Variants in PRORP observed in about 807,000 individuals in gnomAD.
PRORP encodes mitochondrial ribonuclease P catalytic subunit.
Under a neutral mutation model 59.4 loss-of-function variants are expected in PRORP, and 51 were observed. The ratio of observed to expected loss-of-function variants is 0.86; its 90% CI spans 0.69 to 1.08. The LOEUF is 1.08. PRORP is among the 50% of genes least tolerant of loss of function. PRORP has a pLI of 0.00. For synonymous variants in PRORP, 231 were observed against 245.6 expected, an observed-to-expected ratio of 0.94 and a Z score of 0.55; for missense variants, 646 against 690.3, an observed-to-expected ratio of 0.94 and a Z score of 0.72.
At chr14:35,266,208 T>C (rs1017973652) in intron 5 of PRORP, among the ~76,000 whole-genome samples, 23 of 151,892 alleles carry the variant, frequency 1.5e-4, no homozygotes, top group Admixed American at 5.2e-4. Flanking sequence ...TCCCAGCTAC[T>C]TGGGAGGCTG....
intron 5 of PRORP, among the ~76,000 whole-genome samples, chr14:35,181,187 T>G (rs990143668): frequency 1.3e-5 from 2 of 152,224 alleles, no homozygotes; most frequent in Non-Finnish European, 2.9e-5. Flanking sequence ...ATTTGTTTTT[T>G]CCAAACATAG....
intron 5 of PRORP, among the ~76,000 whole-genome samples, chr14:35,254,398 T>C (rs895911908): frequency 2.0e-4 from 30 of 152,152 alleles, no homozygotes; most frequent in African/African-American, 7.2e-4. Flanking sequence ...TGTTTGTTTG[T>C]TTGTTTGTTT....
intron 5 of PRORP, among the ~76,000 whole-genome samples, chr14:35,188,962 AAAG>A (rs2048815544): frequency 3.6e-5 from 1 of 27,826 alleles, no homozygotes; most frequent in South Asian, 1.1e-3. Context: ...AAAAAAAAAA[AAAG>A]TATTGCCTAA....
intron 4 of PRORP, among the ~76,000 whole-genome samples, chr14:35,164,182 C>T (rs1196624771): frequency 6.6e-6 from 1 of 152,162 alleles, no homozygotes; most frequent in Non-Finnish European, 1.5e-5. Context: ...TGCTTATACA[C>T]TGTTGATGGG....
chr14:35,206,361 G>A (rs2049295103), intron 5 of PRORP, among the ~76,000 whole-genome samples: 1 of 152,122 alleles, frequency 6.6e-6, no homozygotes, highest in South Asian at 2.1e-4. Context: ...TCTTCCCATG[G>A]TGAGAATGTG....
intron 5 of PRORP, among the ~76,000 whole-genome samples, chr14:35,205,205 G>A (rs1262508768): frequency 6.6e-6 from 1 of 152,070 alleles, no homozygotes; most frequent in Admixed American, 6.6e-5. Context: ...GTTTTGAGAT[G>A]GAGTCTCGCT....
intron 5 of PRORP, among the ~76,000 whole-genome samples, chr14:35,244,650 T>C (rs1329822449): frequency 6.6e-6 from 1 of 152,140 alleles, no homozygotes; most frequent in Non-Finnish European, 1.5e-5. Flanking sequence ...GCGCATAAAA[T>C]ATATCATGTG....
chr14:35,137,491 AAGATGAGAG>A (rs1365650998), intron 4 of PRORP, among the ~76,000 whole-genome samples: 1 of 144,766 alleles, frequency 6.9e-6, no homozygotes, highest in Non-Finnish European at 1.5e-5. Context: ...AGTGGTATAC[AAGATGAGAG>A]AGATGAGAGT....
intron 4 of PRORP, among the ~76,000 whole-genome samples, chr14:35,164,336 T>A (rs1248493848): frequency 6.6e-6 from 1 of 152,286 alleles, no homozygotes; most frequent in Non-Finnish European, 1.5e-5. Context: ...ACACATCCAC[T>A]CATATGTGCA....
At chr14:35,228,697 C>T (rs1294104485) in intron 5 of PRORP, among the ~76,000 whole-genome samples, 6 of 152,198 alleles carry the variant, frequency 3.9e-5, no homozygotes, top group Non-Finnish European at 5.9e-5. Flanking sequence ...TTTCTTTATC[C>T]AGTCCACCAT....
intron 4 of PRORP, among the ~76,000 whole-genome samples, chr14:35,178,079 C>G (rs1292951141): frequency 6.6e-6 from 1 of 152,164 alleles, no homozygotes; most frequent in East Asian, 1.9e-4. Context: ...ATCCTGAGTT[C>G]TAGTTTGATT....
intron 4 of PRORP, among the ~76,000 whole-genome samples, chr14:35,156,071 T>C (rs2047906299): frequency 6.6e-6 from 1 of 152,226 alleles, no homozygotes; most frequent in African/African-American, 2.4e-5. Context: ...GTAAAAGCTA[T>C]AGCTGAAGAG....
Position 35,123,162 on chromosome 14 carries a change from C to A in PRORP, c.-84C>A. The A allele has an allele frequency of 1.4e-6, 2 of 1,391,344 alleles. No homozygotes were observed. The highest frequency in any genetic ancestry group is 1.9e-6 in the Non-Finnish European group (2 of 1,027,328). The allele number at this position is 1,391,344 out of a possible 1,614,324, so 86.2% of individuals were successfully genotyped here. ...AAGTTCCACTTCGACTCTGCACCGC[C>A]GACCCCCAATCTCTTTAATTTTGCC... is the stretch of plus-strand genomic sequence containing the variant. On this transcript the variant is annotated 5_prime_UTR_variant, in exon 2 of 8. Coordinates refer to ENST00000534898, the MANE Select transcript of PRORP (RefSeq NM_014672.4).
rs747924955 is a variant in PRORP at position 35,123,591 on chromosome 14, A to G, written c.346A>G (p.Thr116Ala). 2.5e-6 allele frequency: 4 copies of G among 1,614,210 alleles called. No individual in the cohort carries two copies. Among genetic ancestry groups the G allele is most frequent in the Admixed American group, 1.7e-5 (1 of 60,020 alleles). ...APVRNTIQLP[T>A]QPLNSEEWDK... ...TGTGAGGAACACTATTCAACTCCCA[A>G]CACAACCTTTGAATTCAGAGGAGTG... Residue 116 changes from threonine (T) to alanine (A), a missense_variant, in exon 2 of 8, where the codon ACA becomes GCA. Thr to Ala is a moderately conservative substitution (Grantham distance 58). Transcript: ENST00000534898.
At chr14:35,206,497 A>T (rs2049298600) in intron 5 of PRORP, among the ~76,000 whole-genome samples, 1 of 152,164 alleles carries the variant, frequency 6.6e-6, no homozygotes, top group East Asian at 1.9e-4. Flanking sequence ...ACTCTGTTCA[A>T]ACCCATAGCT....
chr14:35,223,694 C>A (rs745495128), intron 5 of PRORP, among the ~76,000 whole-genome samples: 1 of 151,904 alleles, frequency 6.6e-6, no homozygotes, highest in African/African-American at 2.4e-5. Flanking sequence ...CTCCTGACCT[C>A]GTGATCCGCC....
intron 4 of PRORP, among the ~76,000 whole-genome samples, chr14:35,168,442 G>T (rs913284109): frequency 6.6e-6 from 1 of 152,066 alleles, no homozygotes; most frequent in African/African-American, 2.4e-5. Flanking sequence ...TTATTTAATT[G>T]CTAGTTGATA....
intron 5 of PRORP, among the ~76,000 whole-genome samples, chr14:35,265,041 CATT>C (rs2051008086): frequency 6.6e-6 from 1 of 152,042 alleles, no homozygotes; most frequent in African/African-American, 2.4e-5. Context: ...CTCGATAATT[CATT>C]ATTAGATCAT....
chr14:35,247,633 A>G (rs1424420507), intron 5 of PRORP, among the ~76,000 whole-genome samples: 1 of 152,108 alleles, frequency 6.6e-6, no homozygotes, highest in Non-Finnish European at 1.5e-5. Context: ...ATTATTCCTT[A>G]TATATGGACT....
Sources: gnomAD v4.1 joint callset for allele counts (sites outside exome capture counted in the v4.1 genomes callset) on GRCh38, gnomAD v4.1.1 for gene constraint, MANE v1.5 for transcripts, NCBI Gene and HGNC (gene_info 2026-07-23, HGNC 2026-07-21) for gene names.